MROH1: variants seen among roughly 807,000 people sequenced by gnomAD.
MROH1 encodes the protein maestro heat-like repeat-containing protein family member 1.
A neutral mutation model predicts 116.5 loss-of-function variants in MROH1; 117 were observed. The ratio of observed to expected loss-of-function variants is 1.00; its 90% confidence interval spans 0.86 to 1.17. The LOEUF (loss-of-function observed/expected upper bound fraction) is 1.17. Among genes scored for constraint, MROH1 ranks in the 50% most tolerant of loss-of-function variants. The pLI is 0.00. For missense variants in MROH1, 1,873 were observed against 1,338.5 expected, an observed-to-expected ratio of 1.40 and a Z score of -6.23; for synonymous variants, 921 against 583.9, an observed-to-expected ratio of 1.58 and a Z score of -8.32.
chr8:144,252,149 C>T (rs1481492707), intron 33 of MROH1: 10 of 171,764 alleles, frequency 5.8e-5, no homozygotes, highest in Non-Finnish European at 1.3e-4. Flanking sequence ...TTTGGGGCTG[C>T]TGGGGATGGC....
At chr8:144,178,257 G>A (rs903345961) in intron 4 of MROH1, among the ~76,000 whole-genome samples, 12 of 151,692 alleles carry the variant, frequency 7.9e-5, no homozygotes, top group Non-Finnish European at 1.6e-4. Flanking sequence ...TCAGCCTCCC[G>A]AGTAGCTGGG....
chr8:144,261,586 G>T (rs924963950), intron 43 of MROH1, 69 bp from the exon 44 acceptor site: 2 of 700,600 alleles, frequency 2.9e-6, no homozygotes, highest in African/African-American at 3.5e-5. Context: ...TCAGGAGAGC[G>T]TGGCCCACGC....
chr8:144,241,517 G>A lies in MROH1; in HGVS notation c.2178G>A (p.Lys726=). 2 of 778,532 alleles carry A rather than the reference G, an allele frequency of 2.6e-6. No individual in the cohort carries two copies. The allele number at this position is 778,532 out of a possible 1,614,324, so 48.2% of individuals were successfully genotyped here. Residue 726 remains lysine, a splice_region_variant and synonymous_variant, in exon 22 of 44, where the codon AAG becomes AAA. Coordinates refer to ENST00000326134, the MANE Select transcript of MROH1 (RefSeq NM_032450.3). ...CCATTGGCATTCTCAACATTTTTAA[G>A]GTTAGGGTGACACCGGTGCAGGGCT... ...RKSIGILNIF[K]DRSENEVEKV... is the part of the protein sequence containing the mutation.
At position 144,241,517 on chromosome 8, in the gene MROH1, G is replaced by C; in HGVS notation, c.2178G>C (p.Lys726Asn). 1.3e-6 allele frequency: 1 copy of C among 778,532 alleles called. No individual in the cohort carries two copies. The highest frequency in any genetic ancestry group is 1.3e-5 in the South Asian group (1 of 74,496). The allele number at this position is 778,532 out of a possible 1,614,324, so 48.2% of individuals were successfully genotyped here. The change falls in exon 22 of 44, where the codon AAG (lysine) becomes AAC (asparagine). Residue 726 changes from lysine (K) to asparagine (N), a missense_variant and splice_region_variant. Physicochemically the swap from Lys to Asn is moderately conservative, Grantham distance 94. Coordinates refer to ENST00000326134, the MANE Select transcript of MROH1 (RefSeq NM_032450.3). ...RKSIGILNIF[K>N]DRSENEVEKV... is the part of the protein sequence containing the mutation. ...CCATTGGCATTCTCAACATTTTTAA[G>C]GTTAGGGTGACACCGGTGCAGGGCT...
intron 12 of MROH1, chr8:144,214,550 T>A (rs1165007097): frequency 6.6e-6 from 1 of 152,100 alleles, no homozygotes; most frequent in Admixed American, 6.6e-5. Flanking sequence ...TTTTCCTTGG[T>A]GCTTTTTAGT....
chr8:144,157,740 C>T (rs1385676190), intron 1 of MROH1, among the ~76,000 whole-genome samples: 3 of 138,764 alleles, frequency 2.2e-5, no homozygotes, highest in Admixed American at 8.0e-5. Context: ...TGCAGTGGTG[C>T]AGTCTTGGCT....
chr8:144,208,875 C>T (rs1833447394), intron 12 of MROH1, among the ~76,000 whole-genome samples: 1 of 152,054 alleles, frequency 6.6e-6, no homozygotes, highest in Non-Finnish European at 1.5e-5. Context: ...AGGCATGCAC[C>T]ACCACATCCG....
intron 14 of MROH1, among the ~76,000 whole-genome samples, chr8:144,231,851 C>G (rs1254647568): frequency 6.6e-6 from 1 of 152,194 alleles, no homozygotes; most frequent in Admixed American, 6.5e-5. Context: ...TAAAGCGAAG[C>G]CCAGTGAAAC....
In MROH1 at chr8:144,247,668, A is replaced by G. The variant is rs878857732; in HGVS notation, c.3109A>G (p.Ser1037Gly). ...CGCCATTCTCTTCCACACCTGCCAC[A>G]GTGTAGGCCAGGTACCAGCTGGGAG... ...DPAILFHTCH[S>G]VGQIIAKRLP... The change falls in exon 31 of 44, where the codon AGT (serine) becomes GGT (glycine). Residue 1037 changes from serine to glycine, a missense_variant. By Grantham distance (56) the Ser-to-Gly change is moderately conservative. Transcript: ENST00000326134. 52,055 of 766,192 alleles carry G rather than the reference A, an allele frequency of 0.068. 5,965 individuals are homozygous for G. The highest frequency in any genetic ancestry group is 0.41 in the African/African-American group (24,086 of 58,982). 47.5% of individuals were successfully genotyped at this position (766,192 alleles called of 1,614,324 possible). A position where few individuals can be genotyped will look rare whatever the true frequency, so the allele number is the denominator to read the frequency against.
chr8:144,179,611 G>A (rs191822694), intron 5 of MROH1, 25 bp downstream of exon 5: 191 of 1,580,890 alleles, frequency 1.2e-4, no homozygotes, highest in African/African-American at 4.0e-4. Flanking sequence ...CTCTGGCCTC[G>A]CAGACTCAGG....
intron 1 of MROH1, among the ~76,000 whole-genome samples, chr8:144,154,717 G>C (rs1817630936): frequency 2.0e-5 from 3 of 150,370 alleles, no homozygotes; most frequent in African/African-American, 7.4e-5. Context: ...ACCCAGGCTG[G>C]TGTACAATGG....
chr8:144,183,209 C>T (rs892807826), intron 7 of MROH1, among the ~76,000 whole-genome samples: 9 of 151,840 alleles, frequency 5.9e-5, no homozygotes, highest in Non-Finnish European at 8.8e-5. Context: ...GAGACCCCAT[C>T]GTTAGAAAAA....
Position 144,199,103 on chromosome 8 carries a change from G to T in MROH1, c.949-19G>T, listed in dbSNP as rs759427886. ...TCTGGCCTCTCTGGTCTATAACCTC[G>T]GCCCCGTTCCTGGAGCAGATCTGTG... On this transcript the variant is annotated intron_variant, in intron 10 of 43. Transcript: ENST00000326134. The T allele has an allele frequency of 6.2e-7, 1 of 1,611,984 alleles. No individual in the cohort carries two copies. The highest frequency in any genetic ancestry group is 2.2e-5 in the East Asian group (1 of 44,856).
chr8:144,205,235 G>A (rs1832566110), intron 12 of MROH1, among the ~76,000 whole-genome samples: 1 of 152,222 alleles, frequency 6.6e-6, no homozygotes, highest in Non-Finnish European at 1.5e-5. Context: ...ATGATTGCAA[G>A]TTGAGGCCGT....
chr8:144,261,181 G>A lies in MROH1; in HGVS notation c.4739G>A (p.Trp1580Ter), dbSNP rs1844976381. The A allele has an allele frequency of 1.3e-6, 1 of 768,874 alleles. No individual in the cohort carries two copies. Among genetic ancestry groups the A allele is most frequent in the Non-Finnish European group, 2.4e-6 (1 of 417,640 alleles). 47.6% of individuals were successfully genotyped at this position (768,874 alleles called of 1,614,324 possible). Reference sequence around the variant, plus strand: ...TGCCTGTTCTACTTCAAGAGCAGCTGGGAGAACGTCCGAGCTGCTGCACCC... The same window carrying A: ...TGCCTGTTCTACTTCAAGAGCAGCTAGGAGAACGTCCGAGCTGCTGCACCC... ...TTCLFYFKSSWENVRAAAPLF... is the reference protein window; with the variant it reads ...TTCLFYFKSS Residue 1580 changes from tryptophan (W) to a stop codon, truncating the protein, a stop_gained, in exon 42 of 44, where the codon TGG becomes TAG. Transcript: ENST00000326134. LOFTEE classifies it high-confidence loss of function.
At chr8:144,183,414 G>A (rs1335091203) in intron 7 of MROH1, among the ~76,000 whole-genome samples, 1 of 150,756 alleles carries the variant, frequency 6.6e-6, no homozygotes, top group East Asian at 2.0e-4. Context: ...TAACACAACA[G>A]GGGTGGGCTT....
At chr8:144,200,202 G>A (rs1029411103) in intron 11 of MROH1, among the ~76,000 whole-genome samples, 3 of 152,132 alleles carry the variant, frequency 2.0e-5, no homozygotes, top group South Asian at 2.1e-4. Flanking sequence ...TCTAAGTCCC[G>A]GCATGCTCGG....
In MROH1 at chr8:144,254,671, G is replaced by A. The variant is rs975285367; in HGVS notation, c.3429-142G>A. On this transcript the variant is annotated intron_variant, in intron 33 of 43. Transcript: ENST00000326134. Reference sequence around the variant, plus strand: ...GGGGTGAGCTCAGATCTGAGGCCAAGAGGCCATTTCCCAGCTGGCTGCAGC... The same window carrying A: ...GGGGTGAGCTCAGATCTGAGGCCAAAAGGCCATTTCCCAGCTGGCTGCAGC... 1.1e-3 allele frequency: 683 copies of A among 605,644 alleles called. 5 individuals carry two copies. The African/African-American group carries it at 0.012, about 10-fold the overall frequency. The allele number at this position is 605,644 out of a possible 1,614,324, so 37.5% of individuals were successfully genotyped here.
chr8:144,176,372 CAAAA>C (rs61508054), intron 4 of MROH1, among the ~76,000 whole-genome samples: 2 of 139,746 alleles, frequency 1.4e-5, no homozygotes, highest in African/African-American at 5.3e-5. Context: ...GACTGCATCT[CAAAA>C]AAAAAAAAAA....
Sources: gnomAD v4.1 joint callset for allele counts (sites outside exome capture counted in the v4.1 genomes callset) on GRCh38, gnomAD v4.1.1 for gene constraint, MANE v1.5 for transcripts, NCBI Gene and HGNC (gene_info 2026-07-23, HGNC 2026-07-21) for gene names.